The following PTPN3 variants were observed in gnomAD, a reference collection of about 807,000 sequenced individuals.
PTPN3 encodes protein tyrosine phosphatase non-receptor type 3.
A neutral mutation model predicts 132.7 loss-of-function variants in PTPN3; 96 were observed. The ratio of observed to expected loss-of-function variants is 0.72; its 90% confidence interval spans 0.61 to 0.86. The LOEUF is 0.86. PTPN3 is among the 40% of genes least tolerant of loss of function. The probability of loss-of-function intolerance (pLI) is 0.00; values close to 1 mark genes in which losing one functional copy is unlikely to be tolerated. For synonymous variants in PTPN3, 398 were observed against 429.0 expected, an observed-to-expected ratio of 0.93 and a Z score of 0.89; for missense variants, 1,125 against 1,159.6, an observed-to-expected ratio of 0.97 and a Z score of 0.43.
At chr9:109,417,486 A>G in intron 14 of PTPN3, 1 of 752,462 alleles carries the variant, frequency 1.3e-6, no homozygotes, top group Non-Finnish European at 1.6e-6. Flanking sequence ...AACATGTCAA[A>G]TATTTTGTAA....
At chr9:109,429,020 A>G (rs535545928) in intron 10 of PTPN3, 2 of 985,476 alleles carry the variant, frequency 2.0e-6, no homozygotes, top group South Asian at 9.4e-5. Flanking sequence ...GACAGCTGAG[A>G]GCAGCATGGA....
At chr9:109,526,082 C>T in the PTPN3 span, among the ~76,000 whole-genome samples, 1 of 151,840 alleles carries the variant, frequency 6.6e-6, no homozygotes. Context: ...CAATAAACAA[C>T]TAGAAAATAA....
intron 1 of PTPN3, among the ~76,000 whole-genome samples, chr9:109,487,488 G>A (rs1475014318): frequency 1.3e-5 from 2 of 152,244 alleles, no homozygotes; most frequent in African/African-American, 4.8e-5. Context: ...CCTCACCAGA[G>A]GCTCTGATTC....
intron 14 of PTPN3, among the ~76,000 whole-genome samples, 192 bp downstream of exon 14, chr9:109,420,232 C>A (rs2131835027): frequency 6.6e-6 from 1 of 152,254 alleles, no homozygotes; most frequent in South Asian, 2.1e-4. Flanking sequence ...GCTCTAGACC[C>A]CAGGCACATA....
chr9:109,418,685 C>T (rs1468175647), intron 14 of PTPN3, among the ~76,000 whole-genome samples: 1 of 152,248 alleles, frequency 6.6e-6, no homozygotes, highest in East Asian at 1.9e-4. Context: ...GAGGCCAACA[C>T]TCCTGTGTGG....
intron 2 of PTPN3, among the ~76,000 whole-genome samples, chr9:109,463,092 A>G (rs1845928184): frequency 6.6e-6 from 1 of 151,338 alleles, no homozygotes; most frequent in Non-Finnish European, 1.5e-5. Context: ...CACCACACAG[A>G]AGGGCGGGGG....
intron 19 of PTPN3, among the ~76,000 whole-genome samples, chr9:109,402,365 G>A (rs1366045542): frequency 1.3e-5 from 2 of 151,618 alleles, no homozygotes; most frequent in Non-Finnish European, 1.5e-5. Flanking sequence ...CGCAACCTCC[G>A]CCTCCTGGGT....
At position 109,445,308 on chromosome 9, in the gene PTPN3, C is replaced by T; in HGVS notation, c.414-16G>A. On this transcript the variant is annotated splice_polypyrimidine_tract_variant and intron_variant, in intron 6 of 25. Transcript: ENST00000374541. Reference sequence around the variant, plus strand: ...GCAGGTTAACCTGTCAGGAGAAAAACATATTAGCAAAGTCACAAGAACCAA... The same window carrying T: ...GCAGGTTAACCTGTCAGGAGAAAAATATATTAGCAAAGTCACAAGAACCAA... 6.2e-7 allele frequency: 1 copy of T among 1,608,948 alleles called. No individual in the cohort carries two copies. Among genetic ancestry groups the T allele is most frequent in the Non-Finnish European group, 8.5e-7 (1 of 1,175,314 alleles).
intron 21 of PTPN3, among the ~76,000 whole-genome samples, chr9:109,390,243 C>A (rs1049556326): frequency 6.6e-6 from 1 of 152,150 alleles, no homozygotes; most frequent in Non-Finnish European, 1.5e-5. Context: ...ACTGATGAGA[C>A]CAGTTTTTAT....
At chr9:109,485,889 G>A (rs1275798341) in intron 1 of PTPN3, among the ~76,000 whole-genome samples, 1 of 152,246 alleles carries the variant, frequency 6.6e-6, no homozygotes, top group Non-Finnish European at 1.5e-5. Flanking sequence ...GAAGAAAACT[G>A]AAGCCTTTCC....
intron 1 of PTPN3, among the ~76,000 whole-genome samples, chr9:109,490,139 C>T (rs747724344): frequency 2.6e-5 from 4 of 151,636 alleles, no homozygotes; most frequent in Non-Finnish European, 4.4e-5. Context: ...GCCGAGATCG[C>T]GCCACTGCAC....
chr9:109,481,716 T>G (rs1846966028), intron 1 of PTPN3, among the ~76,000 whole-genome samples: 1 of 152,218 alleles, frequency 6.6e-6, no homozygotes, highest in Non-Finnish European at 1.5e-5. Flanking sequence ...CAGTGTCCAG[T>G]GCACATGAGG....
chr9:109,465,294 C>T (rs1846041095), intron 1 of PTPN3, among the ~76,000 whole-genome samples: 1 of 152,092 alleles, frequency 6.6e-6, no homozygotes, highest in Non-Finnish European at 1.5e-5. Context: ...ATACATGAAG[C>T]AGCCGGGCAC....
At chr9:109,427,194 A>G in intron 11 of PTPN3, 72 bp from the exon 12 acceptor site, 1 of 1,498,030 alleles carries the variant, frequency 6.7e-7, no homozygotes, top group South Asian at 1.2e-5. Context: ...TTTAACCCAC[A>G]TTGGTGAAAT....
Position 109,457,355 on chromosome 9 carries a change from G to A in PTPN3, c.183C>T (p.His61=). The A allele has an allele frequency of 1.2e-6, 2 of 1,614,192 alleles. No homozygotes were observed. The highest frequency in any genetic ancestry group is 8.5e-7 in the Non-Finnish European group (1 of 1,180,038). ...GQVLLDMVHN[H]LGVTEKEYFG... Reference sequence around the variant, plus strand: ...AATATTCCTTTTCAGTCACACCCAGGTGGTTGTGCACCATATCCAGAAGAA... The same window carrying A: ...AATATTCCTTTTCAGTCACACCCAGATGGTTGTGCACCATATCCAGAAGAA... Residue 61 remains histidine (H), a synonymous_variant, in exon 3 of 26, where the codon CAC becomes CAT. Transcript: ENST00000374541.
intron 19 of PTPN3, among the ~76,000 whole-genome samples, chr9:109,397,306 G>A (rs935334951): frequency 2.0e-5 from 3 of 152,336 alleles, no homozygotes; most frequent in East Asian, 1.9e-4. Context: ...CACATAGTAG[G>A]TGCTCAATAA....
the PTPN3 span, among the ~76,000 whole-genome samples, chr9:109,527,710 G>C: frequency 6.6e-6 from 1 of 152,170 alleles, no homozygotes; most frequent in African/African-American, 2.4e-5. Context: ...GTGCAGGTAT[G>C]AAAGTATCAT....
chr9:109,423,004 G>A, intron 12 of PTPN3, 152 bp from the exon 13 acceptor site: 6 of 946,582 alleles, frequency 6.3e-6, no homozygotes, highest in Admixed American at 2.8e-5. Context: ...GCTCAAAAGC[G>A]ATTCCTGTCT....
intron 22 of PTPN3, among the ~76,000 whole-genome samples, chr9:109,384,298 T>C (rs1193297510): frequency 1.3e-5 from 2 of 152,170 alleles, no homozygotes; most frequent in Non-Finnish European, 2.9e-5. Flanking sequence ...TCGAGATGAA[T>C]ACCTTTCTCA....
Sources: gnomAD v4.1 joint callset for allele counts (sites outside exome capture counted in the v4.1 genomes callset) on GRCh38, gnomAD v4.1.1 for gene constraint, MANE v1.5 for transcripts, NCBI Gene and HGNC (gene_info 2026-07-23, HGNC 2026-07-21) for gene names.